Variants in GRAMD4 observed in about 807,000 individuals in gnomAD.
The protein encoded by GRAMD4 is GRAM domain containing 4, also known as GRAM domain-containing protein 4.
Under a neutral mutation model 83.9 loss-of-function variants are expected in GRAMD4, and 25 were observed. The ratio of observed to expected loss-of-function variants is 0.30; its 90% CI spans 0.22 to 0.42. The LOEUF is 0.42. Ranked by LOEUF, GRAMD4 falls within the 10% of genes least tolerant of loss-of-function variation. GRAMD4 has a pLI of 1.00. For synonymous variants in GRAMD4, 336 were observed against 320.9 expected, an observed-to-expected ratio of 1.05 and a Z score of -0.50; for missense variants, 593 against 788.7, an observed-to-expected ratio of 0.75 and a Z score of 2.97.
upstream of GRAMD4, among the ~76,000 whole-genome samples, chr22:46,619,765 G>A (rs888908320): frequency 3.3e-5 from 5 of 152,190 alleles, no homozygotes; most frequent in African/African-American, 1.2e-4. Flanking sequence ...TTCTGACAGT[G>A]AGGTTTAGGG....
intron 18 of GRAMD4, 31 bp from the exon 19 acceptor site, chr22:46,677,116 A>T: frequency 6.2e-7 from 1 of 1,610,110 alleles, no homozygotes; most frequent in Non-Finnish European, 8.5e-7. Flanking sequence ...TGGCTGTGCC[A>T]TGCTCACTGG....
upstream of GRAMD4, chr22:46,575,912 A>C (rs1490832612): frequency 1.3e-5 from 2 of 152,326 alleles, no homozygotes; most frequent in East Asian, 3.8e-4. Flanking sequence ...ACCCAGGTCC[A>C]TCAGGGCTAG....
At chr22:46,592,195 C>T (rs2081216728) in intron 1 of GRAMD4, among the ~76,000 whole-genome samples, 1 of 152,180 alleles carries the variant, frequency 6.6e-6, no homozygotes, top group Admixed American at 6.5e-5. Context: ...CCAGAGTGCC[C>T]TAGGGAATGA....
chr22:46,675,928 C>T (rs563023204), intron 17 of GRAMD4, among the ~76,000 whole-genome samples: 158 of 152,326 alleles, frequency 1.0e-3, no homozygotes, highest in African/African-American at 3.3e-3. Context: ...CAGATGGTCG[C>T]GCCCGCTCTG....
intron 3 of GRAMD4, among the ~76,000 whole-genome samples, chr22:46,640,564 A>G (rs2081960156): frequency 6.6e-6 from 1 of 152,178 alleles, no homozygotes; most frequent in African/African-American, 2.4e-5. Context: ...GCATTTGCCA[A>G]AGGAGCATCT....
intron 1 of GRAMD4, among the ~76,000 whole-genome samples, chr22:46,612,190 A>G (rs953238029): frequency 6.6e-6 from 1 of 151,848 alleles, no homozygotes; most frequent in Non-Finnish European, 1.5e-5. Context: ...TATTTTTCGT[A>G]GAGGCGGGGT....
intron 1 of GRAMD4, among the ~76,000 whole-genome samples, chr22:46,583,767 CTG>C (rs147837448): frequency 0.011 from 1,716 of 152,328 alleles, 34 homozygotes; most frequent in African/African-American, 0.039. Context: ...GCTACTGGTG[CTG>C]ACTTGGCCAC....
chr22:46,595,688 C>T (rs1440956804), intron 1 of GRAMD4, among the ~76,000 whole-genome samples: 2 of 152,250 alleles, frequency 1.3e-5, no homozygotes, highest in Non-Finnish European at 2.9e-5. Context: ...GCTGCCCCTC[C>T]AAGTCATCGC....
intron 8 of GRAMD4, among the ~76,000 whole-genome samples, chr22:46,664,592 G>T (rs1428198789): frequency 6.6e-6 from 1 of 152,212 alleles, no homozygotes; most frequent in Non-Finnish European, 1.5e-5. Context: ...TGGGGAAAAG[G>T]TGCCCAGCCG....
At chr22:46,614,132 A>C (rs1213003408) in intron 1 of GRAMD4, among the ~76,000 whole-genome samples, 1 of 152,236 alleles carries the variant, frequency 6.6e-6, no homozygotes, top group African/African-American at 2.4e-5. Flanking sequence ...AAAGGCATTG[A>C]ATACTCGAAC....
At chr22:46,583,512 G>T (rs913568060) in intron 1 of GRAMD4, among the ~76,000 whole-genome samples, 1 of 152,172 alleles carries the variant, frequency 6.6e-6, no homozygotes, top group Non-Finnish European at 1.5e-5. Context: ...GCTCCTCTTT[G>T]CTATGACAGC....
chr22:46,591,771 T>G (rs1001987494), intron 1 of GRAMD4, among the ~76,000 whole-genome samples: 1 of 141,288 alleles, frequency 7.1e-6, no homozygotes, highest in Non-Finnish European at 1.5e-5. Context: ...AGACGGAGGT[T>G]GCAGTGAGCC....
intron 2 of GRAMD4, among the ~76,000 whole-genome samples, chr22:46,628,667 G>T (rs1199213158): frequency 1.3e-5 from 2 of 152,152 alleles, no homozygotes; most frequent in Non-Finnish European, 2.9e-5. Context: ...GCTGCAGTGA[G>T]GGGGCCAGGG....
intron 2 of GRAMD4, among the ~76,000 whole-genome samples, chr22:46,628,612 G>A (rs998966405): frequency 7.6e-4 from 111 of 145,782 alleles, no homozygotes; most frequent in African/African-American, 2.7e-3. Flanking sequence ...TCTGAGGGGC[G>A]GGTGGACTGA....
rs946634807 is a variant in GRAMD4, at chr22:46,666,577, G to T, written c.810-248G>T. ...TTGAAGGGCCGCCCTCTCCCACACC[G>T]CTGGCCACTTTTAAATATGTCCCCT... is the stretch of plus-strand genomic sequence containing the variant. On this transcript the variant is annotated intron_variant, in intron 9 of 18. Coordinates refer to ENST00000406902, the MANE Select transcript of GRAMD4 (RefSeq NM_015124.5). Among the ~76,000 whole-genome samples the T allele has an allele frequency of 3.9e-5, 6 of 152,196 alleles. 2 individuals are homozygous for T. The highest frequency in any genetic ancestry group is 3.9e-4 in the Admixed American group (6 of 15,292).
intron 9 of GRAMD4, among the ~76,000 whole-genome samples, chr22:46,666,463 A>G (rs984718669): frequency 1.3e-5 from 2 of 152,038 alleles, no homozygotes; most frequent in South Asian, 2.1e-4. Flanking sequence ...TGTTTTTTGT[A>G]GAAATCACTT....
chr22:46,617,194 G>A (rs532852784), upstream of GRAMD4, among the ~76,000 whole-genome samples: 194 of 148,478 alleles, frequency 1.3e-3, no homozygotes, highest in African/African-American at 4.6e-3. Context: ...AGGTTCCTCC[G>A]TGTGTAGGTT....
chr22:46,625,257 T>C (rs992909181), intron 1 of GRAMD4, among the ~76,000 whole-genome samples: 6 of 152,132 alleles, frequency 3.9e-5, no homozygotes, highest in African/African-American at 1.4e-4. Context: ...CCTCCGCGCC[T>C]CTGTGGCTCA....
At chr22:46,577,854 A>C (rs2081059444) in intron 1 of GRAMD4, among the ~76,000 whole-genome samples, 1 of 152,156 alleles carries the variant, frequency 6.6e-6, no homozygotes. Context: ...GCGGGCTGGC[A>C]CCTTGGCTGT....
Sources: allele counts gnomAD v4.1 joint callset (sites outside exome capture counted in the v4.1 genomes callset), GRCh38; gene constraint gnomAD v4.1.1; transcripts MANE v1.5; gene names NCBI Gene and HGNC (gene_info 2026-07-23, HGNC 2026-07-21).